Variants in PARP8 observed in about 807,000 individuals in gnomAD.
The protein encoded by PARP8 is protein mono-ADP-ribosyltransferase PARP8.
Under a neutral mutation model 124.1 loss-of-function variants are expected in PARP8, and 51 were observed. The observed-to-expected ratio is 0.41, with a 90% CI of 0.33 to 0.52. The LOEUF (loss-of-function observed/expected upper bound fraction) is 0.52. PARP8 is among the 20% of genes least tolerant of loss of function. The pLI is 0.21. For missense variants in PARP8, 860 were observed against 1,018.9 expected, an observed-to-expected ratio of 0.84 and a Z score of 2.12; for synonymous variants, 391 against 361.5, an observed-to-expected ratio of 1.08 and a Z score of -0.93.
chr5:50,705,176 G>A (rs1313016922), intron 2 of PARP8, among the ~76,000 whole-genome samples: 1 of 152,102 alleles, frequency 6.6e-6, no homozygotes, highest in African/African-American at 2.4e-5. Flanking sequence ...AGGCAGCATG[G>A]CTCAAGAGAA....
intron 2 of PARP8, among the ~76,000 whole-genome samples, chr5:50,718,822 T>C (rs1299646415): frequency 3.9e-5 from 6 of 152,028 alleles, no homozygotes; most frequent in Non-Finnish European, 7.4e-5. Context: ...GTTCTTTCTT[T>C]TGAGTATATA....
chr5:50,697,954 T>C (rs944619192), intron 2 of PARP8, among the ~76,000 whole-genome samples: 1 of 152,228 alleles, frequency 6.6e-6, no homozygotes, highest in Non-Finnish European at 1.5e-5. Context: ...TCATCTCCTT[T>C]GTATTCTTCA....
At chr5:50,770,320 A>C (rs541946741) in intron 7 of PARP8, among the ~76,000 whole-genome samples, 2 of 152,014 alleles carry the variant, frequency 1.3e-5, no homozygotes, top group East Asian at 1.9e-4. Flanking sequence ...GCCCCTTCAC[A>C]CTCCTGAAAC....
At position 50,845,543 on chromosome 5, in the gene PARP8, A is replaced by G. The variant is rs1748550047; in HGVS notation, c.*3475A>G. The G allele has an allele frequency of 6.6e-6, 1 of 151,786 alleles. No homozygotes were observed. The highest frequency in any genetic ancestry group is 2.1e-4 in the South Asian group (1 of 4,834). 9.4% of individuals were successfully genotyped at this position (151,786 alleles called of 1,614,324 possible). A position where few individuals can be genotyped will look rare whatever the true frequency, so the allele number is the denominator to read the frequency against. On this transcript the variant is annotated 3_prime_UTR_variant, in exon 26 of 26. Coordinates refer to ENST00000281631, the MANE Select transcript of PARP8 (RefSeq NM_024615.4). ...TGGGTTTTCAATGTCAGGAACAAAT[A>G]AAATTTTGCAAATAGAAGTCATCAA...
chr5:50,705,741 C>A (rs1220486690), intron 2 of PARP8, among the ~76,000 whole-genome samples: 2 of 152,078 alleles, frequency 1.3e-5, no homozygotes, highest in African/African-American at 4.8e-5. Context: ...CCTGATCAAG[C>A]CACTGCACTC....
chr5:50,732,715 T>C (rs1011769794), intron 2 of PARP8, among the ~76,000 whole-genome samples: 7 of 151,352 alleles, frequency 4.6e-5, no homozygotes, highest in African/African-American at 1.7e-4. Context: ...GCCACCCGGG[T>C]TCATGCCATT....
At chr5:50,804,715 C>T (rs1418774121) in intron 14 of PARP8, among the ~76,000 whole-genome samples, 3 of 152,142 alleles carry the variant, frequency 2.0e-5, no homozygotes, top group African/African-American at 4.8e-5. Context: ...TCTAGAACAG[C>T]GGTTGACTGA....
At chr5:50,684,619 G>T (rs1216770364) in intron 2 of PARP8, among the ~76,000 whole-genome samples, 4 of 152,142 alleles carry the variant, frequency 2.6e-5, no homozygotes, top group Non-Finnish European at 5.9e-5. Flanking sequence ...ACATGAGCCT[G>T]TCAGAGAACT....
At position 50,842,174 on chromosome 5, in the gene PARP8, T is replaced by G; in HGVS notation, c.*106T>G. The stretch of plus-strand genomic sequence containing the variant: ...TTATTTATTGTTATTATAAACAAAA[T>G]TAACCCTTTGAATACTGATTTTTTT... On this transcript the variant is annotated 3_prime_UTR_variant, in exon 26 of 26. Coordinates refer to ENST00000281631, the MANE Select transcript of PARP8 (RefSeq NM_024615.4). 1 of 784,632 alleles carries G rather than the reference T, an allele frequency of 1.3e-6. No homozygotes were observed. Among genetic ancestry groups the G allele is most frequent in the Non-Finnish European group, 2.0e-6 (1 of 495,566 alleles). 48.6% of individuals were successfully genotyped at this position (784,632 alleles called of 1,614,324 possible).
At chr5:50,712,731 C>T (rs115427168) in intron 2 of PARP8, among the ~76,000 whole-genome samples, 100 of 151,538 alleles carry the variant, frequency 6.6e-4, no homozygotes, top group Admixed American at 1.8e-3. Context: ...CAGGGAGCCA[C>T]GGGAGCATGC....
At chr5:50,807,704 C>T (rs1744011986) in intron 14 of PARP8, among the ~76,000 whole-genome samples, 1 of 152,014 alleles carries the variant, frequency 6.6e-6, no homozygotes, top group Admixed American at 6.6e-5. Context: ...TAGAGAAAAC[C>T]ATGTGGTTAT....
chr5:50,768,158 G>A (rs1387884929), intron 7 of PARP8, among the ~76,000 whole-genome samples: 1 of 152,126 alleles, frequency 6.6e-6, no homozygotes, highest in East Asian at 1.9e-4. Context: ...ATAAGCTGAA[G>A]TTTTATAGAC....
intron 2 of PARP8, among the ~76,000 whole-genome samples, chr5:50,749,589 A>T (rs1475164217): frequency 3.9e-5 from 6 of 152,148 alleles, no homozygotes; most frequent in Non-Finnish European, 5.9e-5. Flanking sequence ...CTCAATCCTT[A>T]TGAAAATAGA....
chr5:50,667,967 C>G, intron 1 of PARP8, 104 bp from the exon 2 acceptor site: 2 of 1,598,880 alleles, frequency 1.3e-6, no homozygotes, highest in Non-Finnish European at 8.5e-7. Flanking sequence ...GCCTTCTGCC[C>G]GGCCAGGCCT....
intron 2 of PARP8, among the ~76,000 whole-genome samples, chr5:50,677,156 A>G (rs1304237872): frequency 1.3e-5 from 2 of 152,128 alleles, no homozygotes; most frequent in African/African-American, 4.8e-5. Context: ...TTGATATCAC[A>G]TTTGTTAGTC....
chr5:50,844,891 T>G lies in PARP8; in HGVS notation c.*2823T>G, dbSNP rs1748501900. Reference sequence around the variant, plus strand: ...TAATCTAGTGCTATAAAATGCATTATAGTAAGACACTTTTGGTGTCTTCGA... The same window carrying G: ...TAATCTAGTGCTATAAAATGCATTAGAGTAAGACACTTTTGGTGTCTTCGA... On this transcript the variant is annotated 3_prime_UTR_variant, in exon 26 of 26. Coordinates refer to ENST00000281631, the MANE Select transcript of PARP8 (RefSeq NM_024615.4). 6.6e-6 allele frequency: 1 copy of G among 151,652 alleles called. No individual in the cohort carries two copies. The highest frequency in any genetic ancestry group is 2.4e-5 in the African/African-American group (1 of 41,350). 9.4% of individuals were successfully genotyped at this position (151,652 alleles called of 1,614,324 possible).
At position 50,706,581 on chromosome 5, in the gene PARP8, T is replaced by C. The variant is rs138353126; in HGVS notation, c.146+38456T>C. Among the ~76,000 whole-genome samples the C allele has an allele frequency of 3.9e-5, 6 of 152,156 alleles. No homozygotes were observed. The East Asian group carries it at 1.2e-3, about 29-fold the overall frequency. On this transcript the variant is annotated intron_variant, in intron 2 of 25. Coordinates refer to ENST00000281631, the MANE Select transcript of PARP8 (RefSeq NM_024615.4). ...AGTTCAAGATCTTCATCATTTTGGG[T>C]AGTTATTTATTTTATTTTTTGTTTT...
intron 25 of PARP8, among the ~76,000 whole-genome samples, chr5:50,838,183 T>C (rs1177901685): frequency 1.3e-5 from 2 of 152,156 alleles, no homozygotes; most frequent in Non-Finnish European, 2.9e-5. Context: ...ACATCTCACC[T>C]TCTCCAGTCT....
chr5:50,684,910 G>T (rs7717073), intron 2 of PARP8, among the ~76,000 whole-genome samples: 10,196 of 152,232 alleles, frequency 0.067, 376 homozygotes, highest in Middle Eastern at 0.11. Context: ...TTCTGCTTCA[G>T]TTCTGTTTCG....
Sources: gnomAD v4.1 joint callset for allele counts (sites outside exome capture counted in the v4.1 genomes callset) on GRCh38, gnomAD v4.1.1 for gene constraint, MANE v1.5 for transcripts, NCBI Gene and HGNC (gene_info 2026-07-23, HGNC 2026-07-21) for gene names.